INVS: variants seen among roughly 807,000 people sequenced by gnomAD.
The protein encoded by INVS is inversin.
Under a neutral mutation model 108.8 loss-of-function variants are expected in INVS, and 86 were observed. That is an observed-to-expected ratio of 0.79 (90% CI 0.66 to 0.95). The LOEUF (loss-of-function observed/expected upper bound fraction) is 0.95, where lower values mean the gene tolerates loss of function less well. INVS is among the 40% of genes least tolerant of loss of function. The pLI is 0.00. For missense variants in INVS, 1,169 were observed against 1,297.4 expected, an observed-to-expected ratio of 0.90 and a Z score of 1.52; for synonymous variants, 455 against 473.5, an observed-to-expected ratio of 0.96 and a Z score of 0.51.
At chr9:100,171,254 G>A (rs977843088) in intron 3 of INVS, among the ~76,000 whole-genome samples, 7 of 152,044 alleles carry the variant, frequency 4.6e-5, no homozygotes, top group Non-Finnish European at 1.0e-4. Flanking sequence ...TTTTTTCTAT[G>A]TTTAGATACG....
At chr9:100,278,862 T>C (rs535329366) in intron 12 of INVS, among the ~76,000 whole-genome samples, 1 of 152,334 alleles carries the variant, frequency 6.6e-6, no homozygotes, top group South Asian at 2.1e-4. Context: ...TCCCTGAATA[T>C]TGGTCATGAG....
At chr9:100,246,821 A>T in intron 8 of INVS, 34 bp downstream of exon 8, 1 of 1,586,586 alleles carries the variant, frequency 6.3e-7, no homozygotes, top group Non-Finnish European at 8.7e-7. Context: ...ATTTGCTTTC[A>T]TTTAGGTTCC....
intron 8 of INVS, 28 bp downstream of exon 8, chr9:100,246,815 G>T: frequency 1.2e-6 from 2 of 1,605,880 alleles, no homozygotes; most frequent in African/African-American, 1.3e-5. Context: ...CATTCAATTT[G>T]CTTTCATTTA....
At chr9:100,114,081 T>C (rs1469807200) in intron 2 of INVS, among the ~76,000 whole-genome samples, 2 of 152,244 alleles carry the variant, frequency 1.3e-5, no homozygotes, top group East Asian at 1.9e-4. Flanking sequence ...GCATCTTTTG[T>C]AGTTATTGTT....
chr9:100,249,101 C>T (rs1013276876), intron 8 of INVS, among the ~76,000 whole-genome samples: 8 of 151,736 alleles, frequency 5.3e-5, no homozygotes, highest in Non-Finnish European at 1.0e-4. Flanking sequence ...CCTTTTCCCC[C>T]AAATGAAAAG....
chr9:100,167,755 AG>A (rs1186657995), intron 3 of INVS, among the ~76,000 whole-genome samples: 2 of 152,168 alleles, frequency 1.3e-5, no homozygotes, highest in African/African-American at 4.8e-5. Context: ...TAGAACTAGT[AG>A]TTGGTGCTCA....
intron 15 of INVS, 80 bp from the exon 16 acceptor site, chr9:100,297,856 C>G: frequency 1.4e-6 from 2 of 1,416,158 alleles, no homozygotes; most frequent in Non-Finnish European, 2.0e-6. Flanking sequence ...CAAGCCTTTA[C>G]CACAATAAGG....
At chr9:100,179,796 A>G (rs1480924429) in intron 3 of INVS, among the ~76,000 whole-genome samples, 1 of 152,214 alleles carries the variant, frequency 6.6e-6, no homozygotes, top group Non-Finnish European at 1.5e-5. Flanking sequence ...AGGAGACCTA[A>G]TAAACATCTA....
In INVS at chr9:100,246,763, A is replaced by G; in HGVS notation, c.1054A>G (p.Met352Val). ...LSLKSDIDINMADKYGGTALH... is the reference protein window; with the variant it reads ...LSLKSDIDINVADKYGGTALH... Reference sequence around the variant, plus strand: ...CTTAAAATCGGACATAGATATTAACATGGCTGACAAATATGGAGGTACAGG... The same window carrying G: ...CTTAAAATCGGACATAGATATTAACGTGGCTGACAAATATGGAGGTACAGG... Residue 352 changes from methionine (M) to valine (V), a missense_variant, in exon 8 of 17, where the codon ATG becomes GTG. Met to Val is a conservative substitution (Grantham distance 21). This residue lies in a region of INVS where 271 missense variants were observed against 363.8 expected (regional missense o/e 0.74). Coordinates refer to ENST00000262457, the MANE Select transcript of INVS (RefSeq NM_014425.5). The G allele has an allele frequency of 1.2e-6, 2 of 1,614,096 alleles. No homozygotes were observed. Among genetic ancestry groups the G allele is most frequent in the Non-Finnish European group, 1.7e-6 (2 of 1,179,952 alleles).
In INVS at chr9:100,216,115, A is replaced by G. The variant is rs549360667; in HGVS notation, c.274-9947A>G. On this transcript the variant is annotated intron_variant, in intron 3 of 16. Coordinates refer to ENST00000262457, the MANE Select transcript of INVS (RefSeq NM_014425.5). ...GTGGGTATCTATGTGAGTGACCCAAAGTGTCTGATTGGCAGCCACAATTTG... is the reference window on the plus strand; with the variant it reads ...GTGGGTATCTATGTGAGTGACCCAAGGTGTCTGATTGGCAGCCACAATTTG... Among the ~76,000 whole-genome samples, 7 of 152,294 alleles carry G rather than the reference A, an allele frequency of 4.6e-5. No homozygotes were observed. In the East Asian group the frequency reaches 1.4e-3, roughly 29 times the overall value.
chr9:100,205,463 A>C (rs1288199297), intron 3 of INVS, among the ~76,000 whole-genome samples: 1 of 151,962 alleles, frequency 6.6e-6, no homozygotes, highest in Admixed American at 6.6e-5. Flanking sequence ...CTAATTTGTC[A>C]TTCTCTCTCC....
At chr9:100,266,052 C>G (rs558327850) in intron 11 of INVS, among the ~76,000 whole-genome samples, 4 of 152,208 alleles carry the variant, frequency 2.6e-5, no homozygotes, top group African/African-American at 9.6e-5. Flanking sequence ...TGCACTCCAG[C>G]CTCTGCAACA....
At chr9:100,299,339 C>G (rs13298623) in intron 16 of INVS, among the ~76,000 whole-genome samples, 1 of 152,090 alleles carries the variant, frequency 6.6e-6, no homozygotes, top group Admixed American at 6.5e-5. Context: ...CACCCTCCAA[C>G]TTGGAGAACC....
chr9:100,134,248 G>T (rs529245925), intron 3 of INVS, among the ~76,000 whole-genome samples: 3 of 152,238 alleles, frequency 2.0e-5, no homozygotes, highest in East Asian at 3.9e-4. Flanking sequence ...ATCTCATCCA[G>T]GTCATTGCAA....
intron 12 of INVS, among the ~76,000 whole-genome samples, chr9:100,278,657 A>G (rs1347675413): frequency 6.6e-6 from 1 of 152,244 alleles, no homozygotes; most frequent in Non-Finnish European, 1.5e-5. Flanking sequence ...TGATCACTGT[A>G]GGCCTTAGTT....
chr9:100,262,088 T>C (rs2806691), intron 10 of INVS, among the ~76,000 whole-genome samples: 78,956 of 151,432 alleles, frequency 0.52, 21,512 homozygotes, highest in African/African-American at 0.57. Context: ...GTAAGCCCCA[T>C]ATATATTATG....
intron 3 of INVS, among the ~76,000 whole-genome samples, chr9:100,146,457 C>T (rs540300369): frequency 2.0e-5 from 3 of 152,222 alleles, no homozygotes; most frequent in African/African-American, 7.2e-5. Context: ...AGGAACCAGC[C>T]ATCTGGATGT....
intron 3 of INVS, among the ~76,000 whole-genome samples, chr9:100,144,227 T>A (rs1407807063): frequency 1.3e-5 from 2 of 152,144 alleles, no homozygotes; most frequent in African/African-American, 4.8e-5. Flanking sequence ...GAAGTTCTTG[T>A]GTGCTGGTGA....
chr9:100,141,080 G>A (rs1828413081), intron 3 of INVS, among the ~76,000 whole-genome samples: 1 of 152,164 alleles, frequency 6.6e-6, no homozygotes, highest in Non-Finnish European at 1.5e-5. Flanking sequence ...AACCAGCAGT[G>A]TAAACAAGAG....
Sources: gnomAD v4.1 joint callset for allele counts (sites outside exome capture counted in the v4.1 genomes callset) on GRCh38, gnomAD v4.1.1 for gene constraint, gnomAD v4.1.1 regional missense constraint, MANE v1.5 for transcripts, NCBI Gene and HGNC (gene_info 2026-07-23, HGNC 2026-07-21) for gene names.